RAP1A: variants seen among roughly 807,000 people sequenced by gnomAD.
RAP1A encodes the protein RAP1A, member of RAS oncogene family, also known as ras-related protein Rap-1A.
RAP1A carries 6 observed loss-of-function variants against 26.4 expected under a neutral mutation model. The ratio of observed to expected loss-of-function variants is 0.23; its 90% CI spans 0.12 to 0.45. The LOEUF (loss-of-function observed/expected upper bound fraction) is 0.45, where lower values mean the gene tolerates loss of function less well. RAP1A is among the 20% of genes least tolerant of loss of function. The probability of loss-of-function intolerance (pLI) is 0.99; values close to 1 mark genes in which losing one functional copy is unlikely to be tolerated. For synonymous variants in RAP1A, 73 were observed against 79.4 expected (o/e 0.92, Z 0.43); for missense variants, 121 against 217.2 (o/e 0.56, Z 2.78).
At chr1:111,657,634 A>G (rs950430102) in intron 1 of RAP1A, among the ~76,000 whole-genome samples, 9 of 152,106 alleles carry the variant, frequency 5.9e-5, no homozygotes, top group South Asian at 4.1e-4. Flanking sequence ...TAATTTTTGT[A>G]TATGGTGGGG....
chr1:111,604,701 C>T (rs999473772), intron 1 of RAP1A: 1 of 152,178 alleles, frequency 6.6e-6, no homozygotes, highest in Non-Finnish European at 1.5e-5. Context: ...TTGACAGCCA[C>T]CCTGCAAAAT....
At chr1:111,679,440 G>T (rs1182221345) in intron 1 of RAP1A, among the ~76,000 whole-genome samples, 1 of 152,196 alleles carries the variant, frequency 6.6e-6, no homozygotes, top group Non-Finnish European at 1.5e-5. Flanking sequence ...AGGGTCTGGG[G>T]TTTCAGGCAC....
chr1:111,592,838 A>G (rs1407962611), intron 1 of RAP1A, among the ~76,000 whole-genome samples: 1 of 151,610 alleles, frequency 6.6e-6, no homozygotes, highest in Non-Finnish European at 1.5e-5. Context: ...GCACGCCCCC[A>G]TTTCCTCTCT....
rs370133296 is a variant in RAP1A, at chr1:111,575,342, C to T, written c.-28+32833C>T. ...CTAATTTTTGTATGTTTAGTAGAGA[C>T]GGGTTTCGCCATGTTGGCCAGGCTG... On this transcript the variant is annotated intron_variant, in intron 1 of 7. Coordinates refer to the RAP1A transcript ENST00000356415. 1.9e-3 allele frequency among the ~76,000 whole-genome samples: 286 copies of T among 152,152 alleles called. 1 individual carries two copies. The highest frequency in any genetic ancestry group is 3.1e-3 in the Non-Finnish European group (211 of 67,980).
rs1368587935 is a variant in RAP1A, at chr1:111,713,597, G to A, written c.*1196G>A. 6.6e-6 allele frequency: 1 copy of A among 152,142 alleles called. No individual in the cohort carries two copies. The highest frequency in any genetic ancestry group is 1.9e-4 in the East Asian group (1 of 5,196). The allele number at this position is 152,142 out of a possible 1,614,324, so 9.4% of individuals were successfully genotyped here. ...ATAGATTGAAGAATTTGAGAGAAGTGAGAGAAAGTTAAAACACATAAAAGG... is the reference window on the plus strand; with the variant it reads ...ATAGATTGAAGAATTTGAGAGAAGTAAGAGAAAGTTAAAACACATAAAAGG... On this transcript the variant is annotated 3_prime_UTR_variant, in exon 8 of 8. Coordinates refer to ENST00000369709, the MANE Select transcript of RAP1A (RefSeq NM_002884.4).
chr1:111,672,863 C>G lies in RAP1A; in HGVS notation c.-27-18471C>G, dbSNP rs185258274. Reference sequence around the variant, plus strand: ...CAGGTGCAAGAATCTTTTTTCTTTCCTCTTCCCACTGTGTTTGGCATTCAT... The same window carrying G: ...CAGGTGCAAGAATCTTTTTTCTTTCGTCTTCCCACTGTGTTTGGCATTCAT... On this transcript the variant is annotated intron_variant, in intron 1 of 7. Transcript: ENST00000369709. 1.9e-3 allele frequency among the ~76,000 whole-genome samples: 283 copies of G among 151,984 alleles called. 2 individuals carry two copies. Among genetic ancestry groups the G allele is most frequent in the African/African-American group, 6.4e-3 (264 of 41,468 alleles).
chr1:111,607,729 C>T (rs1389210268), intron 1 of RAP1A, among the ~76,000 whole-genome samples: 1 of 142,918 alleles, frequency 7.0e-6, no homozygotes, highest in Admixed American at 6.9e-5. Flanking sequence ...GGCGGCTGGC[C>T]GGGCAGAGGG....
intron 1 of RAP1A, among the ~76,000 whole-genome samples, chr1:111,655,627 C>G (rs981856617): frequency 3.1e-5 from 4 of 128,308 alleles, no homozygotes; most frequent in African/African-American, 1.1e-4. Context: ...TAAAACTAAT[C>G]TCCATGAAGA....
At chr1:111,580,131 A>G (rs1449522035) in intron 1 of RAP1A, among the ~76,000 whole-genome samples, 4 of 152,174 alleles carry the variant, frequency 2.6e-5, no homozygotes, top group Non-Finnish European at 5.9e-5. Context: ...TAAAAGTGAA[A>G]AACATAATAG....
chr1:111,597,491 A>G (rs770566510), intron 1 of RAP1A, among the ~76,000 whole-genome samples: 4 of 152,226 alleles, frequency 2.6e-5, no homozygotes, highest in Non-Finnish European at 5.9e-5. Context: ...GAAAGTCCAG[A>G]TCCCCAACAG....
chr1:111,655,324 A>G (rs952207569), intron 1 of RAP1A, among the ~76,000 whole-genome samples: 1 of 152,136 alleles, frequency 6.6e-6, no homozygotes, highest in African/African-American at 2.4e-5. Context: ...AGCAAACAAT[A>G]TCTGAGGGAA....
At chr1:111,655,365 TAATA>T (rs1398054961) in intron 1 of RAP1A, among the ~76,000 whole-genome samples, 4 of 151,820 alleles carry the variant, frequency 2.6e-5, no homozygotes, top group Non-Finnish European at 2.9e-5. Flanking sequence ...TGGCTATTCT[TAATA>T]AATAGAACAG....
At chr1:111,684,986 A>G (rs1012567833) in intron 1 of RAP1A, among the ~76,000 whole-genome samples, 6 of 152,242 alleles carry the variant, frequency 3.9e-5, no homozygotes, top group African/African-American at 1.2e-4. Flanking sequence ...CCACATATCT[A>G]CAACCATCTG....
chr1:111,588,895 T>C (rs953022581), intron 1 of RAP1A, among the ~76,000 whole-genome samples: 2 of 152,226 alleles, frequency 1.3e-5, no homozygotes, highest in African/African-American at 4.8e-5. Context: ...ACTAAATGAA[T>C]AAACCACTGA....
At chr1:111,569,221 T>C (rs1223366971) in intron 1 of RAP1A, among the ~76,000 whole-genome samples, 1 of 151,934 alleles carries the variant, frequency 6.6e-6, no homozygotes, top group Non-Finnish European at 1.5e-5. Context: ...AGCAACATAG[T>C]GAAACCCTGT....
At position 111,587,906 on chromosome 1, in the gene RAP1A, G is replaced by A. The variant is rs913691385; in HGVS notation, c.-28+45397G>A. Among the ~76,000 whole-genome samples the A allele has an allele frequency of 4.6e-5, 7 of 152,026 alleles. No individual in the cohort carries two copies. In the South Asian group the frequency reaches 1.5e-3, roughly 32 times the overall value. ...ATACTGTTCTCTCTTCCTTTTTCAT[G>A]TCCTTCTCTGTTTTATTCTTTGGTC... is the stretch of plus-strand genomic sequence containing the variant. On this transcript the variant is annotated intron_variant, in intron 1 of 7. Transcript: ENST00000356415.
In RAP1A at chr1:111,709,195, A is replaced by G; in HGVS notation, c.515A>G (p.Glu172Gly). The G allele has an allele frequency of 6.2e-7, 1 of 1,613,836 alleles. No individual in the cohort carries two copies. The highest frequency in any genetic ancestry group is 1.7e-4 in the Middle Eastern group (1 of 6,058). The change falls in exon 7 of 8, where the codon GAA becomes GGA. Residue 172 changes from glutamate (E) to glycine (G), a missense_variant. Coordinates refer to ENST00000369709, the MANE Select transcript of RAP1A (RefSeq NM_002884.4). ...CAGATAAATAGGAAAACACCAGTGG[A>G]AAAGAAGAAGCCTAAAAAGAAATCA... ...VRQINRKTPV[E>G]KKKPKKKSCL...
intron 1 of RAP1A, among the ~76,000 whole-genome samples, chr1:111,558,894 C>G (rs1041605058): frequency 6.6e-6 from 1 of 152,014 alleles, no homozygotes; most frequent in Non-Finnish European, 1.5e-5. Context: ...TAAGTTTGAT[C>G]CAACTGATTA....
intron 1 of RAP1A, among the ~76,000 whole-genome samples, chr1:111,662,394 C>CAA (rs60481679): frequency 1.4e-4 from 14 of 103,366 alleles, no homozygotes; most frequent in African/African-American, 2.0e-4. Flanking sequence ...GACTCCATCT[C>CAA]AAAAAAAAAA....
Sources: allele counts gnomAD v4.1 joint callset (sites outside exome capture counted in the v4.1 genomes callset), GRCh38; gene constraint gnomAD v4.1.1; transcripts MANE v1.5; gene names NCBI Gene and HGNC (gene_info 2026-07-23, HGNC 2026-07-21).